PXK: variants seen among roughly 807,000 people sequenced by gnomAD.
PXK encodes PX domain containing serine/threonine kinase like.
In PXK, 35 loss-of-function variants were observed where a neutral mutation model predicts 84.7. The ratio of observed to expected loss-of-function variants is 0.41; its 90% CI spans 0.32 to 0.55. PXK has a LOEUF of 0.55. Ranked by LOEUF, PXK falls within the 20% of genes least tolerant of loss-of-function variation. The pLI is 0.21. For synonymous variants in PXK, 253 were observed against 260.8 expected (o/e 0.97, Z 0.29); for missense variants, 634 against 699.7 (o/e 0.91, Z 1.06).
In PXK at chr3:58,411,086, G is replaced by A. The variant is rs1165447835; in HGVS notation, c.1465+927G>A. On this transcript the variant is annotated intron_variant, in intron 16 of 17. Coordinates refer to ENST00000356151, the MANE Select transcript of PXK (RefSeq NM_017771.5). The surrounding 1 kb of genome is among the most constrained non-coding windows in gnomAD (Gnocchi z 4.2). ...GGATTTGGTGTGGGCAGGTGAAGAG[G>A]CAGAGATGTTTAGAAGGGAGGAAAT... Among the ~76,000 whole-genome samples, 4 of 152,188 alleles carry A rather than the reference G, an allele frequency of 2.6e-5. No individual in the cohort carries two copies. Among genetic ancestry groups the A allele is most frequent in the African/African-American group, 7.2e-5 (3 of 41,448 alleles).
At chr3:58,375,923 T>C (rs1041771558) in intron 3 of PXK, among the ~76,000 whole-genome samples, 1 of 151,840 alleles carries the variant, frequency 6.6e-6, no homozygotes, top group Admixed American at 6.6e-5. Context: ...AAGTAATGAA[T>C]GTTAAGTGCA....
chr3:58,375,460 C>T (rs557347252), intron 3 of PXK, among the ~76,000 whole-genome samples: 32 of 152,322 alleles, frequency 2.1e-4, no homozygotes, highest in African/African-American at 6.7e-4. Flanking sequence ...TCCTCCCAGA[C>T]ATTTTTTCTG....
chr3:58,366,088 G>T (rs2098267424), intron 2 of PXK, among the ~76,000 whole-genome samples, 164 bp downstream of exon 2: 1 of 152,164 alleles, frequency 6.6e-6, no homozygotes, highest in Non-Finnish European at 1.5e-5. Flanking sequence ...AGTATGATAA[G>T]AGTCTTTCCT....
intron 1 of PXK, among the ~76,000 whole-genome samples, chr3:58,358,252 G>T (rs925141256): frequency 6.6e-6 from 1 of 152,090 alleles, no homozygotes. Flanking sequence ...CATATTCTTC[G>T]TGTCTTACTT....
At chr3:58,394,961 A>C in intron 7 of PXK, 37 bp from the exon 8 acceptor site, 2 of 1,504,496 alleles carry the variant, frequency 1.3e-6, no homozygotes, top group Non-Finnish European at 1.8e-6. Flanking sequence ...CTAGATCCTG[A>C]CGCAAATCAA....
chr3:58,389,683 A>C (rs1346858985), intron 4 of PXK, among the ~76,000 whole-genome samples: 1 of 151,496 alleles, frequency 6.6e-6, no homozygotes, highest in African/African-American at 2.4e-5. Context: ...CAAACAAAAA[A>C]AAAAACCACA....
rs950875553 is a variant in PXK, at chr3:58,414,308, T to C, written c.1528+1345T>C. On this transcript the variant is annotated intron_variant, in intron 17 of 17. Coordinates refer to ENST00000356151, the MANE Select transcript of PXK (RefSeq NM_017771.5). The surrounding 1 kb of genome is among the most constrained non-coding windows in gnomAD (Gnocchi z 4.5). Reference sequence around the variant, plus strand: ...AATCCTCCTTTAACAAGCAAGGCACTTGAGGCGTCTGTTTAAGGGTTCACA... The same window carrying C: ...AATCCTCCTTTAACAAGCAAGGCACCTGAGGCGTCTGTTTAAGGGTTCACA... 6.6e-6 allele frequency: 1 copy of C among 152,226 alleles called. No homozygotes were observed. The highest frequency in any genetic ancestry group is 1.5e-5 in the Non-Finnish European group (1 of 68,034). The allele number at this position is 152,226 out of a possible 1,614,324, so 9.4% of individuals were successfully genotyped here.
chr3:58,348,599 A>ATTTTAT (rs1330805608), intron 1 of PXK, among the ~76,000 whole-genome samples: 1 of 152,212 alleles, frequency 6.6e-6, no homozygotes, highest in Non-Finnish European at 1.5e-5. Flanking sequence ...TTATAATTTC[A>ATTTTAT]ACATGGAATC....
intron 3 of PXK, among the ~76,000 whole-genome samples, chr3:58,372,485 G>A (rs912351102): frequency 6.6e-6 from 1 of 151,892 alleles, no homozygotes; most frequent in African/African-American, 2.4e-5. Flanking sequence ...ACCACGCCCG[G>A]CTAATTTTTT....
At chr3:58,422,521 T>C (rs1322354649) in intron 17 of PXK, 1 of 985,278 alleles carries the variant, frequency 1.0e-6, no homozygotes, top group African/African-American at 1.7e-5. Context: ...ACCACCTACA[T>C]TTTCAAAGAG....
intron 1 of PXK, among the ~76,000 whole-genome samples, chr3:58,352,370 A>G (rs1245061331): frequency 6.6e-6 from 1 of 152,340 alleles, no homozygotes; most frequent in East Asian, 1.9e-4. Flanking sequence ...CCAGAGCCCA[A>G]AGAAAAAGCA....
rs542281716 is a variant in PXK at position 58,351,395 on chromosome 3, T to TTTTTTGTG, written c.103-14478_103-14477insTTTTGTGT. On this transcript the variant is annotated intron_variant, in intron 1 of 17. Coordinates refer to ENST00000356151, the MANE Select transcript of PXK (RefSeq NM_017771.5). Reference sequence around the variant, plus strand: ...GGTGTGCGCCACCACAGCTAGCTATTTGTGTGTGTGTGTGTGTGTGTGTGT... The same window carrying TTTTTTGTG: ...GGTGTGCGCCACCACAGCTAGCTATTTTTTTGTGTGTGTGTGTGTGTGTGTGTGTGTGT... Among the ~76,000 whole-genome samples the TTTTTTGTG allele has an allele frequency of 5.7e-5, 8 of 140,582 alleles. No homozygotes were observed. In the East Asian group the frequency reaches 1.4e-3, roughly 24 times the overall value. 92.2% of individuals were successfully genotyped at this position (140,582 alleles called of 152,430 possible). A position where few individuals can be genotyped will look rare whatever the true frequency, so the allele number is the denominator to read the frequency against.
intron 1 of PXK, among the ~76,000 whole-genome samples, chr3:58,345,921 G>A (rs1408335154): frequency 1.3e-5 from 2 of 152,116 alleles, no homozygotes; most frequent in Non-Finnish European, 2.9e-5. Flanking sequence ...CCCACCATAA[G>A]GATCTCAGTT....
chr3:58,343,526 T>A (rs1475013040), intron 1 of PXK, among the ~76,000 whole-genome samples: 1 of 152,192 alleles, frequency 6.6e-6, no homozygotes, highest in Non-Finnish European at 1.5e-5. Flanking sequence ...AATGCAGTGG[T>A]GAGCAGTCGC....
At chr3:58,350,725 T>C (rs1172680429) in intron 1 of PXK, among the ~76,000 whole-genome samples, 1 of 152,154 alleles carries the variant, frequency 6.6e-6, no homozygotes, top group Non-Finnish European at 1.5e-5. Flanking sequence ...AACTGAGGGC[T>C]AGAAGGCAGA....
intron 12 of PXK, among the ~76,000 whole-genome samples, chr3:58,402,037 A>G (rs1419309763): frequency 6.6e-6 from 1 of 152,148 alleles, no homozygotes. Context: ...AGCCTGGACA[A>G]CATAACAAGA....
chr3:58,392,730 C>T (rs530183936), intron 7 of PXK, among the ~76,000 whole-genome samples: 9 of 151,390 alleles, frequency 5.9e-5, no homozygotes, highest in South Asian at 4.2e-4. Context: ...GGTGCGATCT[C>T]GGCTCACTGC....
At chr3:58,423,226 T>A in intron 17 of PXK, 1 of 982,998 alleles carries the variant, frequency 1.0e-6, no homozygotes, top group Non-Finnish European at 1.2e-6. Context: ...CAACAGTTAC[T>A]TCAGGTTTAA....
Position 58,425,554 on chromosome 3 carries a change from A to G in PXK, c.*594A>G, listed in dbSNP as rs1451188613. ...AACATTCTCTTAAGTTCTAACAGGA[A>G]TACCATTGTGGTTATAGAACTCAGG... On this transcript the variant is annotated 3_prime_UTR_variant, in exon 18 of 18. Transcript: ENST00000356151. 3 of 153,870 alleles carry G rather than the reference A, an allele frequency of 1.9e-5. No individual in the cohort carries two copies. Among genetic ancestry groups the G allele is most frequent in the Admixed American group, 1.9e-4 (3 of 15,516 alleles). 9.5% of individuals were successfully genotyped at this position (153,870 alleles called of 1,614,324 possible).
Sources: gnomAD v4.1 joint callset for allele counts (sites outside exome capture counted in the v4.1 genomes callset) on GRCh38, gnomAD v4.1.1 for gene constraint, Gnocchi (gnomAD v3.1) non-coding constraint, MANE v1.5 for transcripts, NCBI Gene and HGNC (gene_info 2026-07-23, HGNC 2026-07-21) for gene names.